CEP290: variants seen among roughly 807,000 people sequenced by gnomAD.
CEP290 encodes the protein centrosomal protein of 290 kDa.
CEP290 carries 317 observed loss-of-function variants against 344.9 expected under a neutral mutation model. The observed-to-expected ratio is 0.92, with a 90% CI of 0.84 to 1.01. The LOEUF is 1.01. Ranked by LOEUF, CEP290 falls within the 50% of genes least tolerant of loss-of-function variation. The pLI is 0.00. For synonymous variants in CEP290, 932 were observed against 895.8 expected (o/e 1.04, Z -0.72); for missense variants, 2,754 against 2,761.4 (o/e 1.00, Z 0.06).
chr12:88,117,083 T>A lies in CEP290; in HGVS notation c.1774A>T (p.Arg592Ter). The A allele has an allele frequency of 6.4e-7, 1 of 1,561,812 alleles. No homozygotes were observed. Among genetic ancestry groups the A allele is most frequent in the Non-Finnish European group, 8.7e-7 (1 of 1,149,896 alleles). ...TTGAGGCTCAATAAATCCAATTTTCTTTCACTTATTCTATCTCCTTGAGAA... is the reference window on the plus strand; with the variant it reads ...TTGAGGCTCAATAAATCCAATTTTCATTCACTTATTCTATCTCCTTGAGAA... ...NISQGDRISE[R>*]KLDLLSLKNM... The change falls in exon 18 of 54, where the codon AGA (arginine) becomes TGA (stop). Residue 592 changes from arginine to a stop codon, truncating the protein, a stop_gained. Transcript: ENST00000552810. LOFTEE classifies it high-confidence loss of function.
chr12:88,068,205 C>T (rs1016526661), intron 44 of CEP290, among the ~76,000 whole-genome samples: 1 of 152,014 alleles, frequency 6.6e-6, no homozygotes, highest in East Asian at 1.9e-4. Flanking sequence ...AGTCTTGGAA[C>T]ATGTTTTCCT....
intron 18 of CEP290, among the ~76,000 whole-genome samples, chr12:88,116,469 T>A (rs914672871): frequency 3.9e-5 from 6 of 152,180 alleles, no homozygotes; most frequent in Admixed American, 6.5e-5. Flanking sequence ...CTCATTCTGA[T>A]CTGACTGTGG....
At position 88,130,253 on chromosome 12, in the gene CEP290, T is replaced by C. The variant is rs1165909730; in HGVS notation, c.669+15A>G. The stretch of plus-strand genomic sequence containing the variant: ...TTAGGAACCATTGCTCTGAATTGAC[T>C]TCTAGCCATTTTACCTGAATTTCAT... On this transcript the variant is annotated intron_variant, in intron 9 of 53. Transcript: ENST00000552810. 7 of 1,591,908 alleles carry C rather than the reference T, an allele frequency of 4.4e-6. No individual in the cohort carries two copies. Among genetic ancestry groups the C allele is most frequent in the Admixed American group, 1.8e-5 (1 of 54,520 alleles).
At position 88,096,949 on chromosome 12, in the gene CEP290, C is replaced by T; in HGVS notation, c.3042G>A (p.Leu1014=). Residue 1014 remains leucine, a synonymous_variant, in exon 27 of 54, where the codon CTG becomes CTA. Transcript: ENST00000552810. Reference sequence around the variant, plus strand: ...TGTGAAGTTTTTCCTTGGTAATCTCCAGTTCTTTATTTATAGACTCCACTT... The same window carrying T: ...TGTGAAGTTTTTCCTTGGTAATCTCTAGTTCTTTATTTATAGACTCCACTT... ...KEQVESINKE[L]EITKEKLHTI... is the part of the protein sequence containing the mutation. 2.5e-6 allele frequency: 4 copies of T among 1,580,396 alleles called. No homozygotes were observed. Among genetic ancestry groups the T allele is most frequent in the South Asian group, 2.3e-5 (2 of 85,934 alleles).
Position 88,102,952 on chromosome 12 carries a change from C to A in CEP290, c.2877G>T (p.Leu959Phe), listed in dbSNP as rs771427414. The part of the protein sequence containing the change: ...LQKVVDNSVS[L>F]SELELANKQY... ...GTTTATTAGCCAGTTCTAGTTCAGACAAAGAAACACTATTATCTACAACTT... is the reference window on the plus strand; with the variant it reads ...GTTTATTAGCCAGTTCTAGTTCAGAAAAAGAAACACTATTATCTACAACTT... Residue 959 changes from leucine to phenylalanine, a missense_variant, in exon 26 of 54, where the codon TTG becomes TTT. Transcript: ENST00000552810. 6.3e-7 allele frequency: 1 copy of A among 1,596,462 alleles called. No individual in the cohort carries two copies. The highest frequency in any genetic ancestry group is 1.8e-5 in the Admixed American group (1 of 56,546).
chr12:88,129,473 C>A (rs1308201309), intron 10 of CEP290, among the ~76,000 whole-genome samples: 1 of 151,828 alleles, frequency 6.6e-6, no homozygotes, highest in African/African-American at 2.4e-5. Context: ...TCTACACATT[C>A]ATTCAAGTAT....
chr12:88,130,808 T>A (rs1262695149), intron 7 of CEP290, among the ~76,000 whole-genome samples: 2 of 152,060 alleles, frequency 1.3e-5, no homozygotes, highest in Non-Finnish European at 2.9e-5. Flanking sequence ...TAGAACCAAA[T>A]GATAATCAGA....
At chr12:88,069,209 C>A (rs1302122021) in intron 43 of CEP290, among the ~76,000 whole-genome samples, 3 of 152,144 alleles carry the variant, frequency 2.0e-5, no homozygotes, top group South Asian at 2.1e-4. Context: ...ATACATGAAA[C>A]ATTTACTCTT....
intron 13 of CEP290, among the ~76,000 whole-genome samples, chr12:88,122,616 C>A (rs770977214): frequency 2.6e-5 from 4 of 152,120 alleles, no homozygotes; most frequent in Non-Finnish European, 5.9e-5. Context: ...TATATAACTA[C>A]GGACTGACTA....
Position 88,068,513 on chromosome 12 carries a change from T to C in CEP290, c.6135+9A>G, listed in dbSNP as rs774600024. On this transcript the variant is annotated intron_variant, in intron 44 of 53. Transcript: ENST00000552810. ...AAAAAGAAAAAAATAATAAAAGATA[T>C]ACACTTACTGAAGGCTTAGAATATG... 4 of 1,473,772 alleles carry C rather than the reference T, an allele frequency of 2.7e-6. No individual in the cohort carries two copies. The highest frequency in any genetic ancestry group is 9.0e-7 in the Non-Finnish European group (1 of 1,106,088). 91.3% of individuals were successfully genotyped at this position (1,473,772 alleles called of 1,614,324 possible). A position where few individuals can be genotyped will look rare whatever the true frequency, so the allele number is the denominator to read the frequency against.
intron 3 of CEP290, 114 bp from the exon 4 acceptor site, chr12:88,139,678 T>C: frequency 2.8e-6 from 2 of 724,778 alleles, no homozygotes; most frequent in Non-Finnish European, 4.0e-6. Flanking sequence ...GGCTGGCACA[T>C]GGAGACGTTC....
chr12:88,070,472 C>T (rs934546199), intron 43 of CEP290, among the ~76,000 whole-genome samples: 4 of 151,970 alleles, frequency 2.6e-5, no homozygotes, highest in Admixed American at 1.3e-4. Flanking sequence ...ATGAAAACAC[C>T]TCACTTTTTT....
intron 27 of CEP290, among the ~76,000 whole-genome samples, chr12:88,094,210 A>C (rs1041432607): frequency 6.6e-6 from 1 of 152,072 alleles, no homozygotes; most frequent in Non-Finnish European, 1.5e-5. Flanking sequence ...ATTAAAAAAA[A>C]AAACCTATTC....
At chr12:88,122,810 G>A (rs190975709) in intron 13 of CEP290, among the ~76,000 whole-genome samples, 13 of 152,014 alleles carry the variant, frequency 8.6e-5, no homozygotes, top group East Asian at 3.9e-4. Context: ...TATATATATC[G>A]TGGGCTCTTG....
chr12:88,140,766 T>C (rs2040604229), intron 3 of CEP290, among the ~76,000 whole-genome samples, 190 bp downstream of exon 3: 1 of 152,356 alleles, frequency 6.6e-6, no homozygotes, highest in Non-Finnish European at 1.5e-5. Flanking sequence ...CACACCCTTT[T>C]AGAAACTTTA....
At chr12:88,115,261 T>C (rs1220163259) in intron 18 of CEP290, 79 bp from the exon 19 acceptor site, 1 of 851,986 alleles carries the variant, frequency 1.2e-6, no homozygotes, top group East Asian at 2.8e-5. Flanking sequence ...TAAGAAAAGT[T>C]TGATCAATTA....
At chr12:88,084,409 G>A (rs2036419916) in intron 35 of CEP290, among the ~76,000 whole-genome samples, 177 bp downstream of exon 35, 1 of 152,068 alleles carries the variant, frequency 6.6e-6, no homozygotes, top group African/African-American at 2.4e-5. Context: ...AAAGATACAT[G>A]TACACAAACT....
intron 30 of CEP290, 123 bp from the exon 31 acceptor site, chr12:88,089,610 A>C: frequency 3.4e-6 from 2 of 596,118 alleles, no homozygotes; most frequent in South Asian, 4.5e-5. Flanking sequence ...GAGATCTACA[A>C]AAATGTAACT....
chr12:88,115,566 T>C, intron 18 of CEP290: 1 of 1,288,834 alleles, frequency 7.8e-7, no homozygotes, highest in Non-Finnish European at 1.0e-6. Flanking sequence ...TGCTATGATT[T>C]CATTCTAAAG....
Sources: gnomAD v4.1 joint callset for allele counts (sites outside exome capture counted in the v4.1 genomes callset) on GRCh38, gnomAD v4.1.1 for gene constraint, MANE v1.5 for transcripts, NCBI Gene and HGNC (gene_info 2026-07-23, HGNC 2026-07-21) for gene names.